TC2N: variants seen among roughly 807,000 people sequenced by gnomAD.
TC2N encodes the protein tandem C2 domains nuclear protein.
Under a neutral mutation model 61.9 loss-of-function variants are expected in TC2N, and 51 were observed. The ratio of observed to expected loss-of-function variants is 0.82; its 90% confidence interval spans 0.66 to 1.04. TC2N has a LOEUF of 1.04. Ranked by LOEUF, TC2N falls within the 50% of genes least tolerant of loss-of-function variation. The probability of loss-of-function intolerance (pLI) is 0.00; values close to 1 mark genes in which losing one functional copy is unlikely to be tolerated. For synonymous variants in TC2N, 204 were observed against 192.6 expected, an observed-to-expected ratio of 1.06 and a Z score of -0.49; for missense variants, 556 against 566.7, an observed-to-expected ratio of 0.98 and a Z score of 0.19.
chr14:91,783,242 TTG>T (rs1301484492), intron 11 of TC2N, 32 bp from the exon 12 acceptor site: 2 of 1,237,172 alleles, frequency 1.6e-6, no homozygotes, highest in African/African-American at 1.5e-5. Flanking sequence ...ATCATTTAAC[TTG>T]ACACAATAAT....
intron 11 of TC2N, among the ~76,000 whole-genome samples, chr14:91,783,611 G>C (rs1164129618): frequency 2.0e-5 from 3 of 151,964 alleles, no homozygotes; most frequent in Middle Eastern, 3.2e-3. Context: ...AGATTGGTAA[G>C]GAATGTGCAT....
At chr14:91,819,644 GATTT>G (rs1887158360) in intron 1 of TC2N, among the ~76,000 whole-genome samples, 1 of 152,056 alleles carries the variant, frequency 6.6e-6, no homozygotes, top group Non-Finnish European at 1.5e-5. Context: ...ATAAATACAT[GATTT>G]ATTATTATTG....
At chr14:91,790,211 C>T (rs1056918162) in intron 9 of TC2N, among the ~76,000 whole-genome samples, 1 of 152,132 alleles carries the variant, frequency 6.6e-6, no homozygotes, top group African/African-American at 2.4e-5. Flanking sequence ...CCACATTATT[C>T]AATACCGAAA....
At chr14:91,785,108 C>G in intron 11 of TC2N, 54 bp downstream of exon 11, 2 of 1,243,702 alleles carry the variant, frequency 1.6e-6, no homozygotes, top group South Asian at 1.3e-5. Context: ...CCTTTGTTAA[C>G]TGACTGTTTA....
chr14:91,855,301 C>A (rs1888462212), intron 1 of TC2N, among the ~76,000 whole-genome samples: 2 of 152,214 alleles, frequency 1.3e-5, no homozygotes, highest in Admixed American at 1.3e-4. Context: ...CTTAAAACAA[C>A]AGACGTTTAT....
At chr14:91,783,276 A>T (rs1235437950) in intron 11 of TC2N, 66 bp from the exon 12 acceptor site, 4 of 856,652 alleles carry the variant, frequency 4.7e-6, no homozygotes, top group Non-Finnish European at 7.4e-6. Context: ...TCAGACAGTT[A>T]GTTACTCTTA....
intron 1 of TC2N, among the ~76,000 whole-genome samples, chr14:91,816,188 C>T (rs1438025260): frequency 6.6e-6 from 1 of 151,634 alleles, no homozygotes; most frequent in Admixed American, 6.6e-5. Context: ...TGTAATTTTG[C>T]TTGTATTGCC....
chr14:91,821,732 A>G (rs867958374), intron 1 of TC2N, among the ~76,000 whole-genome samples: 5 of 152,274 alleles, frequency 3.3e-5, no homozygotes, highest in Middle Eastern at 3.4e-3. Context: ...CTGAGAGAAG[A>G]TATTTGCATA....
chr14:91,811,475 A>G (rs1466657671), intron 3 of TC2N, among the ~76,000 whole-genome samples: 2 of 152,018 alleles, frequency 1.3e-5, no homozygotes, highest in African/African-American at 2.4e-5. Flanking sequence ...TTTTAAAAAA[A>G]CAAGACAAGA....
At chr14:91,787,259 G>A (rs1449325575) in intron 10 of TC2N, among the ~76,000 whole-genome samples, 1 of 152,096 alleles carries the variant, frequency 6.6e-6, no homozygotes, top group Non-Finnish European at 1.5e-5. Context: ...CATTCAACCT[G>A]TATGAACTGA....
intron 1 of TC2N, among the ~76,000 whole-genome samples, chr14:91,819,077 G>A (rs952453328): frequency 3.3e-5 from 5 of 152,000 alleles, no homozygotes; most frequent in Admixed American, 6.6e-5. Context: ...TGCACACCAC[G>A]CCATAATAAC....
chr14:91,819,392 A>G (rs1017955401), intron 1 of TC2N, among the ~76,000 whole-genome samples: 4 of 152,080 alleles, frequency 2.6e-5, no homozygotes, highest in South Asian at 4.1e-4. Flanking sequence ...CAAAACAAAA[A>G]CAGTAGAGCA....
At chr14:91,830,868 T>C (rs1887736220) in intron 1 of TC2N, among the ~76,000 whole-genome samples, 1 of 152,184 alleles carries the variant, frequency 6.6e-6, no homozygotes, top group East Asian at 1.9e-4. Context: ...TCAAGACAAC[T>C]TTCCTTGCAC....
intron 1 of TC2N, among the ~76,000 whole-genome samples, chr14:91,822,863 C>T (rs1388670130): frequency 1.3e-5 from 2 of 151,806 alleles, no homozygotes; most frequent in Non-Finnish European, 2.9e-5. Context: ...TACAGGTGCC[C>T]ACCACCACGC....
intron 3 of TC2N, among the ~76,000 whole-genome samples, chr14:91,803,380 TACACAC>T (rs57274606): frequency 3.0e-4 from 44 of 145,522 alleles, no homozygotes; most frequent in East Asian, 7.9e-4. Context: ...CATACATATA[TACACAC>T]ACACACACAC....
At chr14:91,830,528 G>A (rs1887709844) in intron 1 of TC2N, among the ~76,000 whole-genome samples, 1 of 152,180 alleles carries the variant, frequency 6.6e-6, no homozygotes, top group African/African-American at 2.4e-5. Flanking sequence ...ACAGATTAGT[G>A]GTTGCCAGTG....
rs528139113 is a variant in TC2N, at chr14:91,779,950, A to C, written c.*3150T>G. ...AGGAGGCTCCATTAACTCTTTTAATATATTTCTAAATCTTAAATCTATATT... is the reference window on the plus strand; with the variant it reads ...AGGAGGCTCCATTAACTCTTTTAATCTATTTCTAAATCTTAAATCTATATT... On this transcript the variant is annotated 3_prime_UTR_variant, in exon 12 of 12. Coordinates refer to ENST00000435962, the MANE Select transcript of TC2N (RefSeq NM_001128596.3). 1 of 152,224 alleles carries C rather than the reference A, an allele frequency of 6.6e-6. No individual in the cohort carries two copies. Among genetic ancestry groups the C allele is most frequent in the Non-Finnish European group, 1.5e-5 (1 of 68,040 alleles). 9.4% of individuals were successfully genotyped at this position (152,224 alleles called of 1,614,324 possible).
chr14:91,855,839 G>A (rs761983481), intron 1 of TC2N, among the ~76,000 whole-genome samples: 7 of 152,168 alleles, frequency 4.6e-5, no homozygotes, highest in Non-Finnish European at 1.0e-4. Flanking sequence ...TTCAAGGGAA[G>A]TGCCGAGGTT....
At chr14:91,848,015 T>C (rs909826958) in intron 1 of TC2N, among the ~76,000 whole-genome samples, 6 of 152,196 alleles carry the variant, frequency 3.9e-5, no homozygotes, top group Non-Finnish European at 8.8e-5. Flanking sequence ...GTGAAGAGAA[T>C]AGAATGAATT....
Sources: allele counts gnomAD v4.1 joint callset (sites outside exome capture counted in the v4.1 genomes callset), GRCh38; gene constraint gnomAD v4.1.1; transcripts MANE v1.5; gene names NCBI Gene and HGNC (gene_info 2026-07-23, HGNC 2026-07-21).